Variants in VRK1 observed in about 807,000 individuals in gnomAD.
The protein encoded by VRK1 is VRK serine/threonine kinase 1.
Under a neutral mutation model 57.1 loss-of-function variants are expected in VRK1, and 33 were observed. The observed-to-expected ratio is 0.58, with a 90% confidence interval of 0.44 to 0.77. The LOEUF (loss-of-function observed/expected upper bound fraction) is 0.77. Among genes scored for constraint, VRK1 ranks in the 30% least tolerant of loss-of-function variants. The pLI is 0.00. For missense variants in VRK1, 413 were observed against 477.3 expected, an observed-to-expected ratio of 0.87 and a Z score of 1.25; for synonymous variants, 137 against 147.8, an observed-to-expected ratio of 0.93 and a Z score of 0.53.
At chr14:96,813,444 A>G (rs1027171645) in intron 1 of VRK1, among the ~76,000 whole-genome samples, 7 of 152,086 alleles carry the variant, frequency 4.6e-5, no homozygotes, top group Non-Finnish European at 8.8e-5. Flanking sequence ...TGCATATTTT[A>G]TATGTATTAT....
chr14:96,806,001 T>A (rs1361491675), intron 1 of VRK1, among the ~76,000 whole-genome samples: 2 of 150,998 alleles, frequency 1.3e-5, no homozygotes, highest in South Asian at 2.1e-4. Context: ...TTTTTTTTTT[T>A]CTGCAGAAGA....
At chr14:96,845,776 A>G (rs2139778371) in intron 3 of VRK1, among the ~76,000 whole-genome samples, 1 of 152,370 alleles carries the variant, frequency 6.6e-6, no homozygotes, top group Middle Eastern at 3.4e-3. Flanking sequence ...ATGATTGCTC[A>G]TCTTTGCTTA....
At chr14:96,805,477 AGTT>A (rs1361343347) in intron 1 of VRK1, among the ~76,000 whole-genome samples, 2 of 152,272 alleles carry the variant, frequency 1.3e-5, no homozygotes, top group Non-Finnish European at 2.9e-5. Context: ...TGCCTACTTC[AGTT>A]GTTAGTTTCT....
intron 11 of VRK1, among the ~76,000 whole-genome samples, chr14:96,861,633 A>G (rs1331488905): frequency 6.6e-6 from 1 of 152,192 alleles, no homozygotes; most frequent in Non-Finnish European, 1.5e-5. Flanking sequence ...AAAAGTTTTT[A>G]TCTTTTCAAT....
intron 11 of VRK1, among the ~76,000 whole-genome samples, chr14:96,868,801 CTTTTT>C (rs34215586): frequency 8.0e-6 from 1 of 124,344 alleles, no homozygotes. Flanking sequence ...CATTTCTGTG[CTTTTT>C]TTTTTTTTTT....
chr14:96,880,363 G>C (rs1185400751), intron 12 of VRK1, among the ~76,000 whole-genome samples: 2 of 152,130 alleles, frequency 1.3e-5, no homozygotes, highest in African/African-American at 4.8e-5. Flanking sequence ...TGCTGTCCCT[G>C]ACTCTGGTGC....
chr14:96,880,892 T>C (rs1038832310), intron 12 of VRK1, among the ~76,000 whole-genome samples: 8 of 152,322 alleles, frequency 5.3e-5, no homozygotes, highest in Non-Finnish European at 1.0e-4. Context: ...TATTTCAGTA[T>C]TAGTAAAAAT....
At chr14:96,855,196 G>A (rs1888103677) in intron 7 of VRK1, 28 bp from the exon 8 acceptor site, 1 of 1,613,726 alleles carries the variant, frequency 6.2e-7, no homozygotes. Context: ...TTTGACTTTA[G>A]TTTGTCTTGG....
intron 11 of VRK1, among the ~76,000 whole-genome samples, chr14:96,862,310 T>G (rs372310093): frequency 2.6e-5 from 4 of 152,162 alleles, no homozygotes; most frequent in South Asian, 2.1e-4. Context: ...TAAAGCTTCA[T>G]TTAGGGGAAA....
chr14:96,839,970 T>C (rs1174337116), intron 3 of VRK1, among the ~76,000 whole-genome samples: 2 of 152,258 alleles, frequency 1.3e-5, no homozygotes, highest in Non-Finnish European at 2.9e-5. Context: ...TGGTGTATTA[T>C]AGTTTTTACA....
At position 96,815,005 on chromosome 14, in the gene VRK1, G is replaced by A. The variant is rs140841676; in HGVS notation, c.-6+17558G>A. 2.1e-3 allele frequency among the ~76,000 whole-genome samples: 324 copies of A among 152,300 alleles called. 1 individual carries two copies. The highest frequency in any genetic ancestry group is 7.4e-3 in the African/African-American group (306 of 41,566). On this transcript the variant is annotated intron_variant, in intron 1 of 12. Coordinates refer to ENST00000216639, the MANE Select transcript of VRK1 (RefSeq NM_003384.3). ...AGTAACTATCCATGTATATTTGACA[G>A]TACGTGAGTATCCCTGCATGATAAA... is the stretch of plus-strand genomic sequence containing the variant.
rs541154138 is a variant in VRK1 at position 96,840,758 on chromosome 14, G to A, written c.216+2941G>A. 1.2e-4 allele frequency among the ~76,000 whole-genome samples: 18 copies of A among 152,200 alleles called. No homozygotes were observed. In the South Asian group the frequency reaches 3.7e-3, roughly 32 times the overall value. ...ACCTCTGACCCCTTGCAGTTAGTTG[G>A]CATAGCTGTTTCTGTGTCTTGGAAG... On this transcript the variant is annotated intron_variant, in intron 3 of 12. Coordinates refer to ENST00000216639, the MANE Select transcript of VRK1 (RefSeq NM_003384.3).
intron 3 of VRK1, among the ~76,000 whole-genome samples, chr14:96,842,179 G>A (rs1429783982): frequency 6.6e-6 from 1 of 152,018 alleles, no homozygotes; most frequent in African/African-American, 2.4e-5. Flanking sequence ...ATTGTCCATT[G>A]CCTTTATACT....
At chr14:96,801,606 A>G (rs1019822796) in intron 1 of VRK1, among the ~76,000 whole-genome samples, 6 of 152,200 alleles carry the variant, frequency 3.9e-5, no homozygotes, top group African/African-American at 1.4e-4. Context: ...TGCAGTTGAA[A>G]ATCCATGTAT....
chr14:96,852,946 G>T lies in VRK1; in HGVS notation c.483+7G>T, dbSNP rs748076972. 1.2e-6 allele frequency: 2 copies of T among 1,612,640 alleles called. No homozygotes were observed. The highest frequency in any genetic ancestry group is 1.7e-6 in the Non-Finnish European group (2 of 1,178,972). On this transcript the variant is annotated splice_region_variant and intron_variant, in intron 6 of 12. Coordinates refer to ENST00000216639, the MANE Select transcript of VRK1 (RefSeq NM_003384.3). ...GCAGCTAAGCTTAAGAATTGTATGT[G>T]AGCTATGTTCTTCTTGTTTTTAAAA...
In VRK1 at chr14:96,855,185, T is replaced by A. The variant is rs375557559; in HGVS notation, c.577-39T>A. The A allele has an allele frequency of 3.8e-5, 62 of 1,613,624 alleles. No homozygotes were observed. In the African/African-American group the frequency reaches 6.5e-4, roughly 17 times the overall value. On this transcript the variant is annotated intron_variant, in intron 7 of 12. Coordinates refer to ENST00000216639, the MANE Select transcript of VRK1 (RefSeq NM_003384.3). ...CTTTAAAGGGTTATATGTGCAGTGA[T>A]TTTGACTTTAGTTTGTCTTGGTGCT...
At chr14:96,853,298 C>A in intron 7 of VRK1, 132 bp downstream of exon 7, 1 of 767,428 alleles carries the variant, frequency 1.3e-6, no homozygotes, top group Admixed American at 2.1e-5. Flanking sequence ...TTCTTCTTGA[C>A]ACTTTGATCT....
chr14:96,839,570 T>A (rs1887369925), intron 3 of VRK1, among the ~76,000 whole-genome samples: 1 of 152,180 alleles, frequency 6.6e-6, no homozygotes, highest in Non-Finnish European at 1.5e-5. Flanking sequence ...GACTTATAGT[T>A]TCAGTTTGCA....
In VRK1 at chr14:96,800,720, A is replaced by T. The variant is rs55831786; in HGVS notation, c.-6+3273A>T. On this transcript the variant is annotated intron_variant, in intron 1 of 12. Coordinates refer to ENST00000216639, the MANE Select transcript of VRK1 (RefSeq NM_003384.3). ...GTTTCTTGCCCATAGGATGGGAACCAGTACTCTAGGATTTGAAAATTAAGG... is the reference window on the plus strand; with the variant it reads ...GTTTCTTGCCCATAGGATGGGAACCTGTACTCTAGGATTTGAAAATTAAGG... Among the ~76,000 whole-genome samples, 1,320 of 152,214 alleles carry T rather than the reference A, an allele frequency of 8.7e-3. 24 individuals carry two copies. Among genetic ancestry groups the T allele is most frequent in the African/African-American group, 0.03 (1,237 of 41,508 alleles).
Sources: allele counts gnomAD v4.1 joint callset (sites outside exome capture counted in the v4.1 genomes callset), GRCh38; gene constraint gnomAD v4.1.1; transcripts MANE v1.5; gene names NCBI Gene and HGNC (gene_info 2026-07-23, HGNC 2026-07-21).